GLRA2: variants seen among roughly 807,000 people sequenced by gnomAD.
The protein encoded by GLRA2 is glycine receptor subunit alpha-2.
A neutral mutation model predicts 31.6 loss-of-function variants in GLRA2; 11 were observed. The ratio of observed to expected loss-of-function variants is 0.35; its 90% CI spans 0.22 to 0.58. The LOEUF (loss-of-function observed/expected upper bound fraction) is 0.58, where lower values mean the gene tolerates loss of function less well. Ranked by LOEUF, GLRA2 falls within the 20% of genes least tolerant of loss-of-function variation. The pLI, the probability that GLRA2 is intolerant of heterozygous loss-of-function variation, is 0.84. For missense variants in GLRA2, 212 were observed against 351.8 expected, an observed-to-expected ratio of 0.60 and a Z score of 3.18; for synonymous variants, 132 against 134.0, an observed-to-expected ratio of 0.99 and a Z score of 0.10.
chrX:14,595,043 C>T (rs758672322), intron 4 of GLRA2, among the ~76,000 whole-genome samples: 1 of 110,716 alleles, frequency 9.0e-6, no homozygotes, highest in East Asian at 2.8e-4. Flanking sequence ...TTAGGTCCAG[C>T]CTTAGACAAT....
At chrX:14,592,948 T>A (rs2090160625) in intron 4 of GLRA2, among the ~76,000 whole-genome samples, 1 of 112,043 alleles carries the variant, frequency 8.9e-6, no homozygotes, top group Non-Finnish European at 1.9e-5. Context: ...GAAGAGCTAG[T>A]CTGCTATTAT....
chrX:14,663,837 C>T (rs1459153172), intron 7 of GLRA2, among the ~76,000 whole-genome samples: 1 of 110,944 alleles, frequency 9.0e-6, no homozygotes, highest in Non-Finnish European at 1.9e-5. Context: ...TATTTTTCTA[C>T]AAAACTGTCC....
chrX:14,532,266 C>G lies in GLRA2; in HGVS notation c.96C>G (p.Ser32=), dbSNP rs1192399288. 1 of 1,183,407 alleles carries G rather than the reference C, an allele frequency of 8.5e-7. No individual in the cohort carries two copies. Among genetic ancestry groups the G allele is most frequent in the African/African-American group, 1.8e-5 (1 of 56,541 alleles). Residue 32 remains serine (S), a synonymous_variant, in exon 2 of 9, where the codon TCC becomes TCG. Coordinates refer to ENST00000218075, the MANE Select transcript of GLRA2 (RefSeq NM_002063.4). ...CGGCTTTCTGCAAAGACCATGACTC[C>G]AGGTCTGGAAAACAACCTTCACAGA... is the stretch of plus-strand genomic sequence containing the variant. The part of the protein sequence containing the change: ...FRTAFCKDHD[S]RSGKQPSQTL...
chrX:14,460,243 G>A, the GLRA2 span, among the ~76,000 whole-genome samples: 1 of 111,910 alleles, frequency 8.9e-6, no homozygotes, highest in South Asian at 3.8e-4. Context: ...TGGTGGATAA[G>A]ATTTTTGATG....
At chrX:14,728,213 A>AC (rs1294027657) in intron 8 of GLRA2, among the ~76,000 whole-genome samples, 3 of 110,089 alleles carry the variant, frequency 2.7e-5, no homozygotes, top group Non-Finnish European at 5.7e-5. Flanking sequence ...ACATAGTGGG[A>AC]CCCCGTCTCT....
At chrX:14,516,896 A>C in the GLRA2 span, among the ~76,000 whole-genome samples, 1 of 112,039 alleles carries the variant, frequency 8.9e-6, no homozygotes, top group Non-Finnish European at 1.9e-5. Context: ...AGTTTGGTCC[A>C]GTTGAACCTT....
At chrX:14,655,399 C>T (rs2090929485) in intron 7 of GLRA2, among the ~76,000 whole-genome samples, 1 of 111,548 alleles carries the variant, frequency 9.0e-6, no homozygotes, top group African/African-American at 3.3e-5. Flanking sequence ...GTTCTCCCCA[C>T]TGTAATCTGG....
chrX:14,473,259 A>T, the GLRA2 span, among the ~76,000 whole-genome samples: 19 of 111,745 alleles, frequency 1.7e-4, no homozygotes, highest in African/African-American at 5.8e-4. Context: ...AGTGCAAAGT[A>T]CTTGTGTGTA....
chrX:14,578,199 A>G (rs1182433767), intron 3 of GLRA2, among the ~76,000 whole-genome samples: 4 of 111,905 alleles, frequency 3.6e-5, no homozygotes, highest in Admixed American at 1.9e-4. Flanking sequence ...TTCCCAGATC[A>G]AAGGCAATGA....
At chrX:14,684,162 T>C (rs928061774) in intron 7 of GLRA2, among the ~76,000 whole-genome samples, 1 of 111,692 alleles carries the variant, frequency 9.0e-6, no homozygotes, top group Admixed American at 9.5e-5. Context: ...TCCGTTCTGT[T>C]CCATTGGTCT....
At chrX:14,518,221 T>C in the GLRA2 span, among the ~76,000 whole-genome samples, 3 of 111,919 alleles carry the variant, frequency 2.7e-5, no homozygotes, top group African/African-American at 9.7e-5. Context: ...TTGGTAAAGA[T>C]ATAAAATTAT....
At chrX:14,710,128 C>T (rs2091691723) in intron 8 of GLRA2, among the ~76,000 whole-genome samples, 1 of 111,744 alleles carries the variant, frequency 8.9e-6, no homozygotes, top group Admixed American at 9.5e-5. Context: ...CCTGTCTCTT[C>T]TAAGTTGGCA....
At chrX:14,597,486 T>C in intron 4 of GLRA2, among the ~76,000 whole-genome samples, 1 of 111,357 alleles carries the variant, frequency 9.0e-6, no homozygotes, top group Non-Finnish European at 1.9e-5. Flanking sequence ...GGCCCAGAGA[T>C]TTAGTCAAGA....
intron 8 of GLRA2, among the ~76,000 whole-genome samples, chrX:14,711,928 A>G (rs1204248628): frequency 8.9e-6 from 1 of 112,667 alleles, no homozygotes; most frequent in Non-Finnish European, 1.9e-5. Context: ...TATTTAAGCT[A>G]CTATGAGTGA....
At chrX:14,614,861 G>T (rs780045323) in intron 7 of GLRA2, among the ~76,000 whole-genome samples, 31 of 111,589 alleles carry the variant, frequency 2.8e-4, no homozygotes, top group African/African-American at 1.0e-3. Flanking sequence ...TCCATCTTTA[G>T]GAGAACAGGG....
intron 7 of GLRA2, among the ~76,000 whole-genome samples, chrX:14,679,772 G>A (rs145908382): frequency 2.0e-4 from 22 of 111,740 alleles, no homozygotes; most frequent in South Asian, 1.1e-3. Context: ...TTTTTCCATC[G>A]ATATTAACCT....
At chrX:14,534,335 G>A (rs1411755936) in intron 2 of GLRA2, among the ~76,000 whole-genome samples, 2 of 109,820 alleles carry the variant, frequency 1.8e-5, no homozygotes, top group Non-Finnish European at 3.8e-5. Flanking sequence ...GATTCATTGA[G>A]TTTTATCTCC....
At chrX:14,684,002 C>T (rs185835158) in intron 7 of GLRA2, among the ~76,000 whole-genome samples, 36 of 110,527 alleles carry the variant, frequency 3.3e-4, no homozygotes, top group African/African-American at 1.0e-3. Flanking sequence ...GATTTTGCTA[C>T]GTGAATGTAC....
At chrX:14,543,236 CAAAA>C (rs60906048) in intron 2 of GLRA2, among the ~76,000 whole-genome samples, 835 of 23,252 alleles carry the variant, frequency 0.036, 7 homozygotes, top group African/African-American at 0.13. Flanking sequence ...TTGTCATCTG[CAAAA>C]AAAAAAAAAA....
Sources: allele counts gnomAD v4.1 joint callset (sites outside exome capture counted in the v4.1 genomes callset), GRCh38; gene constraint gnomAD v4.1.1; transcripts MANE v1.5; gene names NCBI Gene and HGNC (gene_info 2026-07-23, HGNC 2026-07-21).